RBFOX2: variants seen among roughly 807,000 people sequenced by gnomAD.
RBFOX2 encodes RNA binding protein fox-1 homolog 2.
A neutral mutation model predicts 49.1 loss-of-function variants in RBFOX2; 10 were observed. The ratio of observed to expected loss-of-function variants is 0.20; its 90% CI spans 0.13 to 0.35. RBFOX2 has a LOEUF of 0.35. Ranked by LOEUF, RBFOX2 falls within the 10% of genes least tolerant of loss-of-function variation. The pLI, the probability that RBFOX2 is intolerant of heterozygous loss-of-function variation, is 1.00. For synonymous variants in RBFOX2, 183 were observed against 187.4 expected (o/e 0.98, Z 0.19); for missense variants, 323 against 486.9 (o/e 0.66, Z 3.17).
chr22:35,833,922 T>A (rs972572851), intron 1 of RBFOX2, among the ~76,000 whole-genome samples: 1 of 152,118 alleles, frequency 6.6e-6, no homozygotes, highest in Non-Finnish European at 1.5e-5. Flanking sequence ...TTAATATTTT[T>A]ATCATAGAAT....
At chr22:35,936,368 T>C (rs1377442406) in intron 1 of RBFOX2, among the ~76,000 whole-genome samples, 1 of 152,102 alleles carries the variant, frequency 6.6e-6, no homozygotes, top group Admixed American at 6.5e-5. Flanking sequence ...AAGTTCCATT[T>C]CCGCCAGCTC....
intron 1 of RBFOX2, among the ~76,000 whole-genome samples, chr22:35,946,581 A>G (rs1317531174): frequency 6.6e-6 from 1 of 152,230 alleles, no homozygotes; most frequent in Non-Finnish European, 1.5e-5. Context: ...CCCCACGTCT[A>G]TTTATTGCAA....
intron 2 of RBFOX2, among the ~76,000 whole-genome samples, chr22:35,790,026 A>C (rs1195262721): frequency 3.3e-5 from 5 of 152,228 alleles, no homozygotes; most frequent in Non-Finnish European, 5.9e-5. Context: ...TTCTTCAAAA[A>C]AGTCTTCCAA....
chr22:35,809,396 T>TGAAA (rs907122005), intron 2 of RBFOX2, among the ~76,000 whole-genome samples: 4 of 151,998 alleles, frequency 2.6e-5, no homozygotes, highest in African/African-American at 4.8e-5. Flanking sequence ...GATGTACAGA[T>TGAAA]GAAAGAAAGA....
chr22:35,876,854 A>T (rs2045177088), intron 1 of RBFOX2, among the ~76,000 whole-genome samples: 1 of 151,940 alleles, frequency 6.6e-6, no homozygotes, highest in Non-Finnish European at 1.5e-5. Context: ...TATCCATCTG[A>T]AATAAAAATA....
intron 1 of RBFOX2, among the ~76,000 whole-genome samples, chr22:35,823,472 G>T (rs1212818093): frequency 1.3e-5 from 2 of 152,052 alleles, no homozygotes; most frequent in Non-Finnish European, 2.9e-5. Context: ...TTTTCTATTT[G>T]CTATTGCTGA....
At chr22:35,856,678 G>A (rs372028804) in intron 1 of RBFOX2, among the ~76,000 whole-genome samples, 41 of 151,752 alleles carry the variant, frequency 2.7e-4, no homozygotes, top group African/African-American at 8.9e-4. Flanking sequence ...CTGGAAGGAT[G>A]AGGATGGGAC....
At chr22:35,896,926 T>G (rs2047918152) in intron 1 of RBFOX2, among the ~76,000 whole-genome samples, 1 of 152,232 alleles carries the variant, frequency 6.6e-6, no homozygotes, top group African/African-American at 2.4e-5. Context: ...AAGTGTTACT[T>G]AGACTCTTTT....
At chr22:35,923,528 C>T (rs1348832334) in intron 1 of RBFOX2, among the ~76,000 whole-genome samples, 2 of 152,108 alleles carry the variant, frequency 1.3e-5, no homozygotes, top group African/African-American at 4.8e-5. Context: ...CACACCACCA[C>T]ATCTGGCTAA....
chr22:35,870,171 G>C (rs2044186641), intron 1 of RBFOX2, among the ~76,000 whole-genome samples: 1 of 152,148 alleles, frequency 6.6e-6, no homozygotes, highest in South Asian at 2.1e-4. Context: ...TGTCATTAGA[G>C]AAACAATAAA....
rs74277043 is a variant in RBFOX2 at position 35,780,448 on chromosome 22, T to C, written c.399+1152A>G. ...ATTCAAAAAGCAATAACAAGCAGGC[T>C]CAGAAAAAATTAAGATCCTTAGCAG... On this transcript the variant is annotated intron_variant, in intron 3 of 11. Coordinates refer to ENST00000405409, the Ensembl canonical transcript of RBFOX2. Among the ~76,000 whole-genome samples the C allele has an allele frequency of 1.4e-3, 216 of 151,978 alleles. 3 individuals are homozygous for C. In the East Asian group the frequency reaches 0.021, roughly 15 times the overall value.
At chr22:35,902,648 T>G (rs2048715125) in intron 1 of RBFOX2, among the ~76,000 whole-genome samples, 1 of 152,006 alleles carries the variant, frequency 6.6e-6, no homozygotes, top group South Asian at 2.1e-4. Flanking sequence ...ATTTTACTTT[T>G]TGTCTGTTTG....
upstream of RBFOX2, among the ~76,000 whole-genome samples, chr22:35,964,831 T>G (rs1466264202): frequency 2.6e-5 from 4 of 152,238 alleles, no homozygotes; most frequent in Non-Finnish European, 5.9e-5. Context: ...GTTGTAAACA[T>G]ATATCCTTTT....
At chr22:35,900,614 A>G (rs560102703) in intron 1 of RBFOX2, among the ~76,000 whole-genome samples, 7 of 151,260 alleles carry the variant, frequency 4.6e-5, no homozygotes, top group African/African-American at 1.7e-4. Context: ...AAAAAAGTCG[A>G]AAGAATGAGG....
exon 12 of RBFOX2, chr22:35,743,755 T>C (rs1212254893): frequency 1.3e-5 from 2 of 153,642 alleles, no homozygotes; most frequent in East Asian, 3.9e-4. Context: ...AAAGATCTCT[T>C]CCACTTCTGC....
intron 1 of RBFOX2, among the ~76,000 whole-genome samples, chr22:35,947,368 G>A (rs1320383676): frequency 6.6e-6 from 1 of 152,008 alleles, no homozygotes; most frequent in Non-Finnish European, 1.5e-5. Flanking sequence ...CACAGTGCTT[G>A]ATGATAATAA....
intron 1 of RBFOX2, chr22:35,821,849 G>C (rs1022829222): frequency 2.3e-5 from 12 of 518,816 alleles, no homozygotes; most frequent in Non-Finnish European, 4.6e-5. Flanking sequence ...CTGAAGGAAG[G>C]GGTCAAGTGA....
intron 1 of RBFOX2, among the ~76,000 whole-genome samples, chr22:35,856,154 A>G (rs1001864479): frequency 6.6e-6 from 1 of 152,184 alleles, no homozygotes; most frequent in African/African-American, 2.4e-5. Context: ...CCTCGTATTT[A>G]AGAGTGAGAT....
intron 1 of RBFOX2, among the ~76,000 whole-genome samples, chr22:35,815,673 C>T (rs1335910082): frequency 6.6e-6 from 1 of 152,192 alleles, no homozygotes; most frequent in African/African-American, 2.4e-5. Context: ...TTCACACCAT[C>T]ATAAAAGAAT....
Sources: allele counts gnomAD v4.1 joint callset (sites outside exome capture counted in the v4.1 genomes callset), GRCh38; gene constraint gnomAD v4.1.1; transcripts MANE v1.5; gene names NCBI Gene and HGNC (gene_info 2026-07-23, HGNC 2026-07-21).